SH3RF3: variants seen among roughly 807,000 people sequenced by gnomAD.
SH3RF3 encodes the protein SH3 domain containing ring finger 3.
In SH3RF3, 29 loss-of-function variants were observed where a neutral mutation model predicts 66.3. That is an observed-to-expected ratio of 0.44 (90% CI 0.33 to 0.60). SH3RF3 has a LOEUF of 0.60. SH3RF3 is among the 20% of genes least tolerant of loss of function. The pLI, the probability that SH3RF3 is intolerant of heterozygous loss-of-function variation, is 0.04. For missense variants in SH3RF3, 1,194 were observed against 1,190.9 expected, an observed-to-expected ratio of 1.00 and a Z score of -0.04; for synonymous variants, 583 against 532.0, an observed-to-expected ratio of 1.10 and a Z score of -1.32.
intron 8 of SH3RF3, among the ~76,000 whole-genome samples, chr2:109,488,459 C>T (rs538758036): frequency 8.5e-5 from 13 of 152,338 alleles, no homozygotes; most frequent in African/African-American, 2.4e-4. Context: ...TCCTGGCCTG[C>T]GGAGGGGCTG....
intron 1 of SH3RF3, among the ~76,000 whole-genome samples, chr2:109,246,694 C>T (rs751236557): frequency 6.6e-6 from 1 of 152,190 alleles, no homozygotes; most frequent in Non-Finnish European, 1.5e-5. Flanking sequence ...TGCCCTGGCT[C>T]GTCCTAAGGC....
intron 5 of SH3RF3, among the ~76,000 whole-genome samples, chr2:109,427,523 T>C (rs982863891): frequency 6.6e-6 from 1 of 152,076 alleles, no homozygotes; most frequent in Non-Finnish European, 1.5e-5. Context: ...AGCTCCAGGG[T>C]GAGGCCCCAG....
At chr2:109,471,773 T>G (rs751819897) in intron 8 of SH3RF3, among the ~76,000 whole-genome samples, 7 of 152,218 alleles carry the variant, frequency 4.6e-5, no homozygotes, top group Admixed American at 1.3e-4. Context: ...CCATAGGAGA[T>G]AGACTAATGC....
At chr2:109,160,369 T>C (rs1677461381) in intron 1 of SH3RF3, among the ~76,000 whole-genome samples, 1 of 152,168 alleles carries the variant, frequency 6.6e-6, no homozygotes. Context: ...CACATTTGTG[T>C]GCCCAAAGCA....
chr2:109,225,899 G>A (rs1431358778), intron 1 of SH3RF3, among the ~76,000 whole-genome samples: 42 of 152,164 alleles, frequency 2.8e-4, no homozygotes. Flanking sequence ...CCGAGTAGCT[G>A]GGACTATAGT....
chr2:109,394,815 C>T (rs1343109494), intron 3 of SH3RF3, among the ~76,000 whole-genome samples: 1 of 152,238 alleles, frequency 6.6e-6, no homozygotes, highest in Non-Finnish European at 1.5e-5. Flanking sequence ...GCAGAGCCAC[C>T]TGGCTTCCCT....
intron 1 of SH3RF3, among the ~76,000 whole-genome samples, chr2:109,191,560 C>T (rs1678364502): frequency 1.3e-5 from 2 of 152,176 alleles, no homozygotes. Context: ...CTTGACGCTG[C>T]CTCCCACATT....
intron 7 of SH3RF3, among the ~76,000 whole-genome samples, chr2:109,445,087 T>C (rs1677669840): frequency 6.6e-6 from 1 of 151,988 alleles, no homozygotes; most frequent in South Asian, 2.1e-4. Flanking sequence ...CTAGACACAG[T>C]TGAAAGTGGA....
At chr2:109,327,875 GTTTA>G (rs1039594660) in intron 1 of SH3RF3, among the ~76,000 whole-genome samples, 1 of 152,148 alleles carries the variant, frequency 6.6e-6, no homozygotes, top group African/African-American at 2.4e-5. Flanking sequence ...TTTTGTGTCA[GTTTA>G]GCAATTCATT....
Position 109,468,577 on chromosome 2 carries a change from G to A in SH3RF3, c.2148+19088G>A, listed in dbSNP as rs150378603. Reference sequence around the variant, plus strand: ...TCAGGATAAGAAGGAAGTTAGGCCCGGTGTGGTAGCTCACGCCTGTAATCC... The same window carrying A: ...TCAGGATAAGAAGGAAGTTAGGCCCAGTGTGGTAGCTCACGCCTGTAATCC... On this transcript the variant is annotated intron_variant, in intron 8 of 9. Transcript: ENST00000309415. 5.5e-4 allele frequency among the ~76,000 whole-genome samples: 83 copies of A among 152,216 alleles called. No individual in the cohort carries two copies. In the East Asian group the frequency reaches 8.1e-3, roughly 15 times the overall value.
intron 1 of SH3RF3, among the ~76,000 whole-genome samples, chr2:109,275,832 A>G (rs139155998): frequency 6.6e-6 from 1 of 152,290 alleles, no homozygotes; most frequent in African/African-American, 2.4e-5. Context: ...GGAGCTGGTA[A>G]TAGGATCTAG....
chr2:109,413,632 C>T (rs557060687), intron 4 of SH3RF3, among the ~76,000 whole-genome samples: 1 of 152,196 alleles, frequency 6.6e-6, no homozygotes, highest in African/African-American at 2.4e-5. Flanking sequence ...TGTATGAGAA[C>T]GTCTCTGGCC....
At chr2:109,273,424 C>A (rs1164238050) in intron 1 of SH3RF3, among the ~76,000 whole-genome samples, 1 of 152,188 alleles carries the variant, frequency 6.6e-6, no homozygotes, top group Non-Finnish European at 1.5e-5. Flanking sequence ...GAGACCCATG[C>A]CTGCCCCCAG....
Position 109,246,466 on chromosome 2 carries a change from G to A in SH3RF3, c.574-101208G>A, listed in dbSNP as rs187166416. On this transcript the variant is annotated intron_variant, in intron 1 of 9. Transcript: ENST00000309415. ...TCCCCAAAGGCCTCAGCTCCTAATA[G>A]CATTACCTTGGAGGTTAGGATTTAA... 2.8e-3 allele frequency among the ~76,000 whole-genome samples: 421 copies of A among 152,270 alleles called. 1 individual carries two copies. Among genetic ancestry groups the A allele is most frequent in the African/African-American group, 9.8e-3 (408 of 41,550 alleles).
chr2:109,416,902 C>G (rs1015586775), intron 4 of SH3RF3, among the ~76,000 whole-genome samples: 4 of 134,314 alleles, frequency 3.0e-5, no homozygotes, highest in African/African-American at 1.2e-4. Context: ...GAGACTTCAT[C>G]TCAAAAAAAA....
chr2:109,389,345 A>G (rs929905860), intron 3 of SH3RF3, among the ~76,000 whole-genome samples: 1 of 152,186 alleles, frequency 6.6e-6, no homozygotes, highest in African/African-American at 2.4e-5. Flanking sequence ...AATGTCTGTC[A>G]TCTCCCCTGG....
At chr2:109,202,144 C>A (rs1678690588) in intron 1 of SH3RF3, among the ~76,000 whole-genome samples, 1 of 152,164 alleles carries the variant, frequency 6.6e-6, no homozygotes, top group African/African-American at 2.4e-5. Flanking sequence ...CATATGGACG[C>A]ACTTACAGCT....
intron 1 of SH3RF3, among the ~76,000 whole-genome samples, chr2:109,219,893 A>C (rs923199500): frequency 2.6e-5 from 4 of 152,298 alleles, no homozygotes; most frequent in Middle Eastern, 3.4e-3. Context: ...TCAAAACCCC[A>C]ATGGCGTTTT....
chr2:109,338,357 C>T (rs894695332), intron 1 of SH3RF3, among the ~76,000 whole-genome samples: 1 of 152,068 alleles, frequency 6.6e-6, no homozygotes, highest in East Asian at 1.9e-4. Flanking sequence ...ACCCTCAAAA[C>T]TCCTTGAGCG....
Sources: gnomAD v4.1 joint callset for allele counts (sites outside exome capture counted in the v4.1 genomes callset) on GRCh38, gnomAD v4.1.1 for gene constraint, MANE v1.5 for transcripts, NCBI Gene and HGNC (gene_info 2026-07-23, HGNC 2026-07-21) for gene names.